Variants in LRFN5 observed in about 807,000 individuals in gnomAD.
LRFN5 encodes the protein leucine-rich repeat and fibronectin type-III domain-containing protein 5.
A neutral mutation model predicts 45.6 loss-of-function variants in LRFN5; 24 were observed. The observed-to-expected ratio is 0.53, with a 90% confidence interval of 0.38 to 0.74. The LOEUF is 0.74. Ranked by LOEUF, LRFN5 falls within the 30% of genes least tolerant of loss-of-function variation. LRFN5 has a pLI of 0.00. For missense variants in LRFN5, 776 were observed against 861.5 expected, an observed-to-expected ratio of 0.90 and a Z score of 1.24; for synonymous variants, 340 against 313.8, an observed-to-expected ratio of 1.08 and a Z score of -0.88.
At chr14:41,656,342 T>A (rs1359739257) in intron 1 of LRFN5, among the ~76,000 whole-genome samples, 1 of 152,056 alleles carries the variant, frequency 6.6e-6, no homozygotes, top group Non-Finnish European at 1.5e-5. Context: ...CCTACCCACT[T>A]AAAGGCATGA....
At chr14:41,680,483 G>A (rs541170290) in intron 1 of LRFN5, among the ~76,000 whole-genome samples, 105 of 152,270 alleles carry the variant, frequency 6.9e-4, no homozygotes, top group African/African-American at 2.4e-3. Context: ...GTAATCAAGG[G>A]AATTCTTCCA....
intron 2 of LRFN5, among the ~76,000 whole-genome samples, chr14:41,876,389 T>C (rs1337611023): frequency 2.7e-5 from 4 of 147,832 alleles, no homozygotes; most frequent in Non-Finnish European, 4.5e-5. Context: ...CACGCCCTTC[T>C]CCTGCCTCAG....
intron 1 of LRFN5, among the ~76,000 whole-genome samples, chr14:41,723,457 T>C (rs1883807216): frequency 6.6e-6 from 1 of 152,168 alleles, no homozygotes; most frequent in South Asian, 2.1e-4. Flanking sequence ...AGGGCCTTCT[T>C]GCACCAAGAT....
chr14:41,865,171 T>C (rs1889795883), intron 2 of LRFN5, among the ~76,000 whole-genome samples: 1 of 152,072 alleles, frequency 6.6e-6, no homozygotes, highest in African/African-American at 2.4e-5. Context: ...ATTACCATAA[T>C]CACATTTAAG....
intron 2 of LRFN5, among the ~76,000 whole-genome samples, chr14:41,830,584 G>T (rs892969255): frequency 1.3e-5 from 2 of 152,118 alleles, no homozygotes; most frequent in African/African-American, 4.8e-5. Flanking sequence ...GAAGAATAAA[G>T]AATGAATTAT....
At chr14:41,786,378 T>A (rs1022775125) in intron 2 of LRFN5, among the ~76,000 whole-genome samples, 2 of 152,068 alleles carry the variant, frequency 1.3e-5, no homozygotes, top group African/African-American at 4.8e-5. Flanking sequence ...AGAGTTTTTT[T>A]AATACATTAA....
chr14:41,756,410 C>T (rs1342617188), intron 1 of LRFN5, among the ~76,000 whole-genome samples: 16 of 152,214 alleles, frequency 1.1e-4, no homozygotes, highest in East Asian at 1.9e-4. Flanking sequence ...ACCATTCAGA[C>T]GTAGATTTGA....
At chr14:41,874,857 T>C (rs1358258334) in intron 2 of LRFN5, among the ~76,000 whole-genome samples, 2 of 152,168 alleles carry the variant, frequency 1.3e-5, no homozygotes, top group Admixed American at 1.3e-4. Context: ...AGCAAACATG[T>C]CCTTCTTCAC....
chr14:41,783,137 T>C (rs980817025), intron 2 of LRFN5, among the ~76,000 whole-genome samples: 2 of 152,010 alleles, frequency 1.3e-5, no homozygotes, highest in East Asian at 3.9e-4. Context: ...AATGGTTACT[T>C]TTCCCCTTTC....
At chr14:41,703,277 A>T (rs549150533) in intron 1 of LRFN5, among the ~76,000 whole-genome samples, 6 of 152,204 alleles carry the variant, frequency 3.9e-5, no homozygotes, top group Non-Finnish European at 8.8e-5. Flanking sequence ...ATATGTTATA[A>T]GGACACATTT....
chr14:41,838,006 T>C (rs978464071), intron 2 of LRFN5, among the ~76,000 whole-genome samples: 2 of 152,162 alleles, frequency 1.3e-5, no homozygotes, highest in African/African-American at 4.8e-5. Flanking sequence ...AAATTGTGCA[T>C]CATCTAAAAA....
intron 2 of LRFN5, among the ~76,000 whole-genome samples, chr14:41,843,097 T>G (rs1052910536): frequency 5.3e-5 from 8 of 150,026 alleles, no homozygotes; most frequent in African/African-American, 2.0e-4. Flanking sequence ...TTTTTTTTTT[T>G]TTTTTTAATA....
At position 41,802,575 on chromosome 14, in the gene LRFN5, A is replaced by G. The variant is rs1031121448; in HGVS notation, c.-21+35546A>G. Among the ~76,000 whole-genome samples, 3 of 152,198 alleles carry G rather than the reference A, an allele frequency of 2.0e-5. No individual in the cohort carries two copies. In the East Asian group the frequency reaches 5.8e-4, roughly 29 times the overall value. On this transcript the variant is annotated intron_variant, in intron 2 of 5. Transcript: ENST00000298119. ...GAGGAGTTGGAAAAATGTTTTGTCA[A>G]GGAAAGTCTGTCACCATAGAATAAT...
At chr14:41,691,100 A>G (rs530413572) in intron 1 of LRFN5, among the ~76,000 whole-genome samples, 3 of 151,828 alleles carry the variant, frequency 2.0e-5, no homozygotes, top group Admixed American at 6.6e-5. Context: ...TTGAGCATTT[A>G]TTTTTGATTG....
intron 1 of LRFN5, among the ~76,000 whole-genome samples, chr14:41,642,418 A>G (rs531290636): frequency 6.6e-6 from 1 of 152,292 alleles, no homozygotes; most frequent in South Asian, 2.1e-4. Context: ...TTCTAGCTCA[A>G]TGGCTGTTAT....
At chr14:41,728,464 T>C (rs73307209) in intron 1 of LRFN5, among the ~76,000 whole-genome samples, 6,830 of 152,246 alleles carry the variant, frequency 0.045, 341 homozygotes, top group African/African-American at 0.12. Context: ...TCAAAAATGA[T>C]GGAAGTCTTT....
intron 5 of LRFN5, among the ~76,000 whole-genome samples, chr14:41,902,830 C>A (rs952582841): frequency 6.6e-6 from 1 of 151,554 alleles, no homozygotes; most frequent in Non-Finnish European, 1.5e-5. Context: ...GAGTATATCA[C>A]TTGAAATATA....
chr14:41,851,319 C>G (rs1889259060), intron 2 of LRFN5, among the ~76,000 whole-genome samples: 1 of 151,614 alleles, frequency 6.6e-6, no homozygotes, highest in African/African-American at 2.4e-5. Context: ...GGTATATTTA[C>G]TACTCAGTTT....
At chr14:41,651,036 A>G (rs952746286) in intron 1 of LRFN5, among the ~76,000 whole-genome samples, 20 of 152,302 alleles carry the variant, frequency 1.3e-4, no homozygotes, top group Middle Eastern at 6.8e-3. Flanking sequence ...GTGTTTTTCT[A>G]TATATGAAAT....
Sources: gnomAD v4.1 joint callset for allele counts (sites outside exome capture counted in the v4.1 genomes callset) on GRCh38, gnomAD v4.1.1 for gene constraint, MANE v1.5 for transcripts, NCBI Gene and HGNC (gene_info 2026-07-23, HGNC 2026-07-21) for gene names.